TOX2: variants seen among roughly 807,000 people sequenced by gnomAD.
TOX2 encodes the protein TOX high mobility group box family member 2, also known as granulosa cell HMG box 1.
In TOX2, 15 loss-of-function variants were observed where a neutral mutation model predicts 47.4. That is an observed-to-expected ratio of 0.32 (90% CI 0.21 to 0.49). The LOEUF (loss-of-function observed/expected upper bound fraction) is 0.49. Ranked by LOEUF, TOX2 falls within the 20% of genes least tolerant of loss-of-function variation. TOX2 has a pLI of 0.99. For missense variants in TOX2, 622 were observed against 673.1 expected (o/e 0.92, Z 0.84); for synonymous variants, 290 against 296.6 (o/e 0.98, Z 0.23).
chr20:44,015,007 G>A lies in TOX2; in HGVS notation c.411+8215G>A, dbSNP rs548073795. On this transcript the variant is annotated intron_variant, in intron 3 of 8. Transcript: ENST00000341197. ...CCAAGACGCAATGCTTCTTGGCATC[G>A]TGACCAAGGGAAGGATCCATCTTAG... 5.9e-5 allele frequency among the ~76,000 whole-genome samples: 9 copies of A among 152,260 alleles called. No homozygotes were observed. The East Asian group carries it at 1.4e-3, about 23-fold the overall frequency.
chr20:43,948,287 A>G (rs2069504197), intron 1 of TOX2, among the ~76,000 whole-genome samples: 1 of 152,144 alleles, frequency 6.6e-6, no homozygotes, highest in African/African-American at 2.4e-5. Context: ...TTTTCCTGCC[A>G]TTAGTAATTG....
chr20:43,955,943 A>G (rs188802509), intron 1 of TOX2, among the ~76,000 whole-genome samples: 1 of 152,178 alleles, frequency 6.6e-6, no homozygotes, highest in Admixed American at 6.5e-5. Context: ...TCATCTCCCC[A>G]GTGTGGCCCT....
chr20:44,019,732 C>T (rs1010956196), intron 3 of TOX2, among the ~76,000 whole-genome samples: 4 of 152,122 alleles, frequency 2.6e-5, no homozygotes, highest in African/African-American at 4.8e-5. Flanking sequence ...CCTGTCATCC[C>T]GGAAACTGAT....
chr20:43,983,698 TA>T, intron 2 of TOX2, among the ~76,000 whole-genome samples: 1 of 152,302 alleles, frequency 6.6e-6, no homozygotes, highest in East Asian at 1.9e-4. Flanking sequence ...TTTCCAGCAC[TA>T]AATGATGATA....
intron 1 of TOX2, among the ~76,000 whole-genome samples, chr20:43,933,390 A>G (rs981327371): frequency 6.6e-6 from 1 of 152,236 alleles, no homozygotes; most frequent in Admixed American, 6.5e-5. Context: ...GCTGAAACTG[A>G]AGAGCACCTG....
chr20:43,947,481 C>T (rs993198583), intron 1 of TOX2, among the ~76,000 whole-genome samples: 3 of 152,200 alleles, frequency 2.0e-5, no homozygotes, highest in Admixed American at 6.5e-5. Context: ...GGGCGTGGCT[C>T]ACAACGGCAT....
chr20:44,026,376 A>G (rs1334732096), intron 3 of TOX2, among the ~76,000 whole-genome samples: 1 of 151,062 alleles, frequency 6.6e-6, no homozygotes, highest in Non-Finnish European at 1.5e-5. Context: ...GGAAAACCAA[A>G]CATCGTATAT....
intron 2 of TOX2, among the ~76,000 whole-genome samples, chr20:44,001,248 G>T (rs2070577240): frequency 6.6e-6 from 1 of 152,172 alleles, no homozygotes; most frequent in Non-Finnish European, 1.5e-5. Context: ...TCACAACCAG[G>T]ACCTACTAGC....
intron 3 of TOX2, among the ~76,000 whole-genome samples, chr20:44,021,807 T>A (rs2070980392): frequency 6.6e-6 from 1 of 151,446 alleles, no homozygotes; most frequent in African/African-American, 2.4e-5. Context: ...TTTTGATTTT[T>A]TTTTTTTTTT....
intron 1 of TOX2, among the ~76,000 whole-genome samples, chr20:43,932,783 C>CCCCCG (rs11283632): frequency 0.025 from 3,740 of 147,606 alleles, 128 homozygotes; most frequent in East Asian, 0.12. Context: ...TGCCCCCCCC[C>CCCCCG]GCCATTTCTG....
intron 1 of TOX2, among the ~76,000 whole-genome samples, chr20:43,925,253 GA>G (rs2069152147): frequency 6.6e-6 from 1 of 152,118 alleles, no homozygotes; most frequent in African/African-American, 2.4e-5. Flanking sequence ...TTGTAAATGG[GA>G]GGGGGGCATC....
intron 3 of TOX2, among the ~76,000 whole-genome samples, chr20:44,026,905 T>C (rs1428832063): frequency 6.6e-6 from 1 of 152,172 alleles, no homozygotes; most frequent in African/African-American, 2.4e-5. Flanking sequence ...GGGAAGCTTT[T>C]CCTGCCGCCT....
chr20:43,943,202 A>G (rs114601299), intron 1 of TOX2, among the ~76,000 whole-genome samples: 52 of 152,108 alleles, frequency 3.4e-4, no homozygotes, highest in African/African-American at 1.2e-3. Flanking sequence ...TCACCTGTAC[A>G]CCTGTGGATG....
At position 43,951,706 on chromosome 20, in the gene TOX2, TG is replaced by T. The variant is rs1247343549; in HGVS notation, c.100-21660del. ...ATGACCATTACTATTAAACTTATTA[TG>T]TTTTTTTTTTTTTTTTTTTTTAGAG... On this transcript the variant is annotated intron_variant, in intron 1 of 8. Coordinates refer to ENST00000341197, the MANE Select transcript of TOX2 (RefSeq NM_001098797.2). 4.8e-4 allele frequency among the ~76,000 whole-genome samples: 57 copies of T among 117,954 alleles called. 5 individuals are homozygous for T. In the South Asian group the frequency reaches 0.014, roughly 28 times the overall value. The allele number at this position is 117,954 out of a possible 152,430, so 77.4% of individuals were successfully genotyped here.
chr20:44,017,820 A>G (rs2070906728), intron 3 of TOX2, among the ~76,000 whole-genome samples: 1 of 152,150 alleles, frequency 6.6e-6, no homozygotes, highest in African/African-American at 2.4e-5. Flanking sequence ...ACAGTTATCA[A>G]AATGATGGTG....
At position 44,068,242 on chromosome 20, in the gene TOX2, A is replaced by G. The variant is rs543609722; in HGVS notation, c.1485-408A>G. 4.6e-5 allele frequency among the ~76,000 whole-genome samples: 7 copies of G among 152,196 alleles called. No individual in the cohort carries two copies. In the South Asian group the frequency reaches 1.2e-3, roughly 27 times the overall value. On this transcript the variant is annotated intron_variant, in intron 8 of 8. Transcript: ENST00000341197. Reference sequence around the variant, plus strand: ...TGTCCAAGCCTCCTGAGGCTTGCCCATCACATCCAGCATGGAGGTCAGACC... The same window carrying G: ...TGTCCAAGCCTCCTGAGGCTTGCCCGTCACATCCAGCATGGAGGTCAGACC...
Position 43,935,837 on chromosome 20 carries a change from G to A in TOX2, c.99+20847G>A, listed in dbSNP as rs187912290. On this transcript the variant is annotated intron_variant, in intron 1 of 8. Transcript: ENST00000341197. Reference sequence around the variant, plus strand: ...AGCTACTCAGGAGGCTGAGGCAGGAGAATCGCTTGAACCCAGGAGGAGGAG... The same window carrying A: ...AGCTACTCAGGAGGCTGAGGCAGGAAAATCGCTTGAACCCAGGAGGAGGAG... Among the ~76,000 whole-genome samples, 32 of 147,990 alleles carry A rather than the reference G, an allele frequency of 2.2e-4. No individual in the cohort carries two copies. In the East Asian group the frequency reaches 5.7e-3, roughly 26 times the overall value.
intron 2 of TOX2, among the ~76,000 whole-genome samples, chr20:43,985,898 G>A (rs2070255695): frequency 6.6e-6 from 1 of 152,186 alleles, no homozygotes. Flanking sequence ...CAGCTGGGAA[G>A]GATGAGCAGG....
chr20:43,989,702 T>A (rs905876997), intron 2 of TOX2, among the ~76,000 whole-genome samples: 2 of 150,002 alleles, frequency 1.3e-5, no homozygotes, highest in Non-Finnish European at 3.0e-5. Context: ...ATCACTTGAA[T>A]CCGGGAGGTG....
Sources: allele counts gnomAD v4.1 joint callset (sites outside exome capture counted in the v4.1 genomes callset), GRCh38; gene constraint gnomAD v4.1.1; transcripts MANE v1.5; gene names NCBI Gene and HGNC (gene_info 2026-07-23, HGNC 2026-07-21).